Variants in TAFA2 observed in about 807,000 individuals in gnomAD.
The protein encoded by TAFA2 is chemokine-like protein TAFA-2.
TAFA2 carries 7 observed loss-of-function variants against 18.8 expected under a neutral mutation model. The observed-to-expected ratio is 0.37, with a 90% CI of 0.21 to 0.70. TAFA2 has a LOEUF of 0.70. TAFA2 is among the 30% of genes least tolerant of loss of function. The pLI is 0.53. For missense variants in TAFA2, 122 were observed against 158.1 expected (o/e 0.77, Z 1.23); for synonymous variants, 60 against 54.2 (o/e 1.11, Z -0.47).
At position 61,823,492 on chromosome 12, in the gene TAFA2, G is replaced by T. The variant is rs141647033; in HGVS notation, c.106+43828C>A. The stretch of plus-strand genomic sequence containing the variant: ...CTAAGAGCTCAGGGTCTCCAGGTAG[G>T]CCACAAATACCCCTTCAATCCTGGG... On this transcript the variant is annotated intron_variant, in intron 2 of 4. Transcript: ENST00000416284. Among the ~76,000 whole-genome samples, 207 of 152,244 alleles carry T rather than the reference G, an allele frequency of 1.4e-3. 4 individuals are homozygous for T. Among genetic ancestry groups the T allele is most frequent in the African/African-American group, 4.8e-3 (200 of 41,544 alleles).
chr12:61,721,013 A>T, intron 4 of TAFA2: 1 of 483,348 alleles, frequency 2.1e-6, no homozygotes, highest in Non-Finnish European at 4.1e-6. Context: ...TACAACAAGC[A>T]TAAAGGGACA....
rs559191908 is a variant in TAFA2, at chr12:61,766,335, G to A, written c.107-11311C>T. On this transcript the variant is annotated intron_variant, in intron 2 of 4. Transcript: ENST00000416284. Reference sequence around the variant, plus strand: ...CTTCACTTTCCTGTGCACATGTGTTGCATCCTACACTGAAGGCACATAAAC... The same window carrying A: ...CTTCACTTTCCTGTGCACATGTGTTACATCCTACACTGAAGGCACATAAAC... Among the ~76,000 whole-genome samples, 3 of 152,154 alleles carry A rather than the reference G, an allele frequency of 2.0e-5. No individual in the cohort carries two copies. In the South Asian group the frequency reaches 6.2e-4, roughly 32 times the overall value.
intron 1 of TAFA2, among the ~76,000 whole-genome samples, chr12:62,205,890 T>C (rs1267075308): frequency 6.6e-6 from 1 of 152,028 alleles, no homozygotes; most frequent in African/African-American, 2.4e-5. Flanking sequence ...GATTCATGGG[T>C]TGCACAGATC....
intron 1 of TAFA2, among the ~76,000 whole-genome samples, chr12:62,005,065 T>G (rs1295986339): frequency 6.6e-6 from 1 of 151,956 alleles, no homozygotes; most frequent in East Asian, 1.9e-4. Context: ...GTCAAAGAGT[T>G]CAAAATTGCA....
chr12:62,176,607 C>T (rs1332861775), intron 1 of TAFA2, among the ~76,000 whole-genome samples: 2 of 151,966 alleles, frequency 1.3e-5, no homozygotes, highest in Non-Finnish European at 2.9e-5. Context: ...TTTCAAATTT[C>T]CTTAGATGCT....
chr12:62,211,349 G>A (rs975694975), intron 1 of TAFA2, among the ~76,000 whole-genome samples: 1 of 152,154 alleles, frequency 6.6e-6, no homozygotes, highest in South Asian at 2.1e-4. Context: ...GCAGGCCAAG[G>A]CAGGTGGATC....
At chr12:61,811,147 T>G (rs1871851728) in intron 2 of TAFA2, among the ~76,000 whole-genome samples, 1 of 151,290 alleles carries the variant, frequency 6.6e-6, no homozygotes. Context: ...GTCCACAGAG[T>G]AACACACAAA....
At chr12:62,244,371 C>T (rs528250238) in intron 1 of TAFA2, among the ~76,000 whole-genome samples, 1 of 151,318 alleles carries the variant, frequency 6.6e-6, no homozygotes, top group South Asian at 2.1e-4. Flanking sequence ...ATTTTAATAA[C>T]ACTGCATCAA....
At chr12:62,031,121 T>A (rs113545675) in intron 1 of TAFA2, among the ~76,000 whole-genome samples, 3 of 151,976 alleles carry the variant, frequency 2.0e-5, no homozygotes, top group Non-Finnish European at 2.9e-5. Flanking sequence ...GAGTGTCAAT[T>A]TGATTGGATT....
At chr12:61,720,272 T>A (rs574836818) in intron 4 of TAFA2, among the ~76,000 whole-genome samples, 1 of 152,320 alleles carries the variant, frequency 6.6e-6, no homozygotes, top group South Asian at 2.1e-4. Context: ...TTTATGGAGA[T>A]TAAGTGAAAG....
At chr12:61,821,065 GCTC>G (rs1271616408) in intron 2 of TAFA2, among the ~76,000 whole-genome samples, 2 of 149,782 alleles carry the variant, frequency 1.3e-5, no homozygotes, top group Non-Finnish European at 3.0e-5. Context: ...TCAATAATTA[GCTC>G]CTTTTTACTC....
intron 1 of TAFA2, among the ~76,000 whole-genome samples, chr12:61,899,551 A>G (rs550268150): frequency 2.0e-5 from 3 of 152,146 alleles, no homozygotes; most frequent in Non-Finnish European, 4.4e-5. Flanking sequence ...AAACCATCAG[A>G]TCTCATGAGA....
At chr12:62,245,664 A>T (rs2062881677) in intron 1 of TAFA2, among the ~76,000 whole-genome samples, 1 of 147,702 alleles carries the variant, frequency 6.8e-6, no homozygotes, top group Non-Finnish European at 1.5e-5. Context: ...AATATACATT[A>T]AAATATTTTT....
intron 1 of TAFA2, among the ~76,000 whole-genome samples, chr12:61,919,337 C>T (rs1876952685): frequency 6.6e-6 from 1 of 152,190 alleles, no homozygotes; most frequent in Non-Finnish European, 1.5e-5. Context: ...TGCATTCTCA[C>T]TGCCATTTCT....
At chr12:61,912,722 CT>C (rs984182213) in intron 1 of TAFA2, among the ~76,000 whole-genome samples, 2 of 152,168 alleles carry the variant, frequency 1.3e-5, no homozygotes, top group African/African-American at 2.4e-5. Context: ...TCACTTCCCC[CT>C]GGTAAAGCTA....
chr12:62,126,211 T>C (rs1216198055), intron 1 of TAFA2, among the ~76,000 whole-genome samples: 1 of 152,100 alleles, frequency 6.6e-6, no homozygotes, highest in Non-Finnish European at 1.5e-5. Flanking sequence ...TGCTGAATAG[T>C]AGGGATGAAA....
chr12:62,176,800 T>G (rs149978177), intron 1 of TAFA2, among the ~76,000 whole-genome samples: 1 of 152,292 alleles, frequency 6.6e-6, no homozygotes, highest in East Asian at 1.9e-4. Context: ...ATACAAATAA[T>G]TTGAACCAAA....
intron 1 of TAFA2, among the ~76,000 whole-genome samples, chr12:61,942,143 C>G (rs1415023119): frequency 6.7e-6 from 1 of 149,000 alleles, no homozygotes; most frequent in Non-Finnish European, 1.5e-5. Flanking sequence ...GGGTCCCTGA[C>G]CCCTGACCCC....
intron 1 of TAFA2, among the ~76,000 whole-genome samples, chr12:62,168,276 C>G (rs2062453563): frequency 6.6e-6 from 1 of 152,136 alleles, no homozygotes; most frequent in African/African-American, 2.4e-5. Flanking sequence ...GCATTAGTGG[C>G]TACTAGCATC....
Sources: gnomAD v4.1 joint callset for allele counts (sites outside exome capture counted in the v4.1 genomes callset) on GRCh38, gnomAD v4.1.1 for gene constraint, MANE v1.5 for transcripts, NCBI Gene and HGNC (gene_info 2026-07-23, HGNC 2026-07-21) for gene names.